CLEC16A: variants seen among roughly 807,000 people sequenced by gnomAD.
CLEC16A encodes C-type lectin domain containing 16A.
In CLEC16A, 51 loss-of-function variants were observed where a neutral mutation model predicts 109.5. The ratio of observed to expected loss-of-function variants is 0.47; its 90% confidence interval spans 0.37 to 0.59. The LOEUF (loss-of-function observed/expected upper bound fraction) is 0.59, where lower values mean the gene tolerates loss of function less well. CLEC16A is among the 20% of genes least tolerant of loss of function. The pLI is 0.00. For missense variants in CLEC16A, 1,339 were observed against 1,394.0 expected (o/e 0.96, Z 0.63); for synonymous variants, 673 against 564.2 (o/e 1.19, Z -2.73).
chr16:11,078,010 T>TGTGTGTG (rs2049486702), intron 19 of CLEC16A, among the ~76,000 whole-genome samples: 8 of 140,278 alleles, frequency 5.7e-5, no homozygotes, highest in African/African-American at 1.9e-4. Context: ...TGTGTGTGTG[T>TGTGTGTG]TTAGAGAAAT....
rs138448877 is a variant in CLEC16A at position 11,111,497 on chromosome 16, C to T, written c.2117-9118C>T. On this transcript the variant is annotated intron_variant, in intron 19 of 23. Transcript: ENST00000409790. Reference sequence around the variant, plus strand: ...TGGTCTAGACAATCACTGAGGCCCACTCAGGTTCAAGGAGAAGGGTAGACC... The same window carrying T: ...TGGTCTAGACAATCACTGAGGCCCATTCAGGTTCAAGGAGAAGGGTAGACC... Among the ~76,000 whole-genome samples, 7 of 152,296 alleles carry T rather than the reference C, an allele frequency of 4.6e-5. No homozygotes were observed. In the East Asian group the frequency reaches 1.4e-3, roughly 29 times the overall value.
At chr16:11,021,705 G>A (rs1352701539) in intron 12 of CLEC16A, among the ~76,000 whole-genome samples, 1 of 152,168 alleles carries the variant, frequency 6.6e-6, no homozygotes, top group African/African-American at 2.4e-5. Context: ...GGCTGAGGTG[G>A]GAGATTGCTT....
chr16:11,174,516 G>A lies in CLEC16A; in HGVS notation c.2807-3819G>A, dbSNP rs1043722350. On this transcript the variant is annotated intron_variant, in intron 23 of 23. Coordinates refer to ENST00000409790, the MANE Select transcript of CLEC16A (RefSeq NM_015226.3). The surrounding 1 kb of genome is among the most constrained non-coding windows in gnomAD (Gnocchi z 4.7). ...ACCTTCGCGACAGTCCTTCACCTTC[G>A]CGACAGTCCTTCTGAGCCAGACCTG... Among the ~76,000 whole-genome samples, 12 of 152,164 alleles carry A rather than the reference G, an allele frequency of 7.9e-5. No homozygotes were observed. Among genetic ancestry groups the A allele is most frequent in the Non-Finnish European group, 1.3e-4 (9 of 68,030 alleles).
chr16:11,035,827 CTGAG>C (rs1385243521), intron 13 of CLEC16A, among the ~76,000 whole-genome samples: 1 of 152,124 alleles, frequency 6.6e-6, no homozygotes, highest in African/African-American at 2.4e-5. Context: ...TTTGTTTTGA[CTGAG>C]TATTTTGGTA....
intron 19 of CLEC16A, among the ~76,000 whole-genome samples, chr16:11,080,375 G>T (rs530991064): frequency 1.3e-5 from 2 of 152,354 alleles, no homozygotes; most frequent in African/African-American, 2.4e-5. Flanking sequence ...GCTTCTGGGC[G>T]TCCGAGCCTT....
At chr16:10,948,177 G>C (rs2041527292) in intron 1 of CLEC16A, among the ~76,000 whole-genome samples, 1 of 152,224 alleles carries the variant, frequency 6.6e-6, no homozygotes, top group Admixed American at 6.5e-5. Flanking sequence ...ACAGGCATGA[G>C]CCACTGCACC....
chr16:11,108,651 G>A (rs1298450148), intron 19 of CLEC16A, among the ~76,000 whole-genome samples: 2 of 152,192 alleles, frequency 1.3e-5, no homozygotes, highest in African/African-American at 2.4e-5. Context: ...GCATCCCTCA[G>A]CCACATATGT....
intron 9 of CLEC16A, among the ~76,000 whole-genome samples, chr16:10,980,214 A>G (rs1229867180): frequency 6.6e-6 from 1 of 152,194 alleles, no homozygotes; most frequent in Non-Finnish European, 1.5e-5. Context: ...GGAGAGGTTC[A>G]GAGGCCACCT....
At position 10,948,182 on chromosome 16, in the gene CLEC16A, T is replaced by C. The variant is rs192492521; in HGVS notation, c.80+3385T>C. ...TGCTGGGATTACAGGCATGAGCCAC[T>C]GCACCCGGCCTAGACTTTACTTTTT... is the stretch of plus-strand genomic sequence containing the variant. On this transcript the variant is annotated intron_variant, in intron 1 of 23. Transcript: ENST00000409790. Among the ~76,000 whole-genome samples the C allele has an allele frequency of 7.0e-3, 1,063 of 152,328 alleles. 5 individuals are homozygous for C. Among genetic ancestry groups the C allele is most frequent in the Non-Finnish European group, 9.7e-3 (661 of 68,022 alleles).
At chr16:11,113,401 T>C (rs1221672014) in intron 19 of CLEC16A, among the ~76,000 whole-genome samples, 1 of 152,210 alleles carries the variant, frequency 6.6e-6, no homozygotes, top group Non-Finnish European at 1.5e-5. Context: ...AAAATCGGCC[T>C]GTAATTCCAG....
rs1596994334 is a variant in CLEC16A at position 11,002,937 on chromosome 16, C to T, written c.1072-137C>T. ...TGTGAATAGTCCCGCAGTAAGCATG[C>T]GAGTGCAGCTATCTTATGATATAAT... On this transcript the variant is annotated intron_variant, in intron 10 of 23. Coordinates refer to ENST00000409790, the MANE Select transcript of CLEC16A (RefSeq NM_015226.3). 2.9e-5 allele frequency: 19 copies of T among 663,788 alleles called. 1 individual carries two copies. Among genetic ancestry groups the T allele is most frequent in the South Asian group, 2.4e-4 (12 of 50,696 alleles). The allele number at this position is 663,788 out of a possible 1,614,324, so 41.1% of individuals were successfully genotyped here. A position where few individuals can be genotyped will look rare whatever the true frequency, so the allele number is the denominator to read the frequency against.
chr16:10,965,755 G>A (rs1223587332), intron 3 of CLEC16A, among the ~76,000 whole-genome samples: 1 of 152,180 alleles, frequency 6.6e-6, no homozygotes, highest in African/African-American at 2.4e-5. Flanking sequence ...ACAGTGAGGG[G>A]GTAGTAGAAA....
chr16:11,070,889 A>G (rs2049034198), intron 19 of CLEC16A: 1 of 152,094 alleles, frequency 6.6e-6, no homozygotes, highest in Admixed American at 6.6e-5. Flanking sequence ...ACACACGAAA[A>G]CCGTACCCCA....
At chr16:10,952,303 G>C (rs2145793594) in intron 1 of CLEC16A, among the ~76,000 whole-genome samples, 1 of 152,298 alleles carries the variant, frequency 6.6e-6, no homozygotes, top group Admixed American at 6.5e-5. Context: ...AGACCAGCCT[G>C]GCCAACATGG....
chr16:11,000,221 C>A (rs1168737739), intron 10 of CLEC16A, among the ~76,000 whole-genome samples: 1 of 152,098 alleles, frequency 6.6e-6, no homozygotes, highest in Non-Finnish European at 1.5e-5. Context: ...GAACCTGAGG[C>A]CTAGGACAGG....
At chr16:11,019,287 TC>T (rs2045951814) in intron 11 of CLEC16A, among the ~76,000 whole-genome samples, 1 of 152,206 alleles carries the variant, frequency 6.6e-6, no homozygotes, top group South Asian at 2.1e-4. Context: ...CAAGATGTTT[TC>T]TTTGGTGGTT....
intron 13 of CLEC16A, among the ~76,000 whole-genome samples, chr16:11,026,017 T>C (rs2046385465): frequency 6.6e-6 from 1 of 152,238 alleles, no homozygotes; most frequent in Admixed American, 6.5e-5. Context: ...TCATCATATT[T>C]CAGCACATGG....
At chr16:11,049,135 G>A (rs1416866155) in intron 17 of CLEC16A, among the ~76,000 whole-genome samples, 1 of 151,980 alleles carries the variant, frequency 6.6e-6, no homozygotes, top group African/African-American at 2.4e-5. Flanking sequence ...AGCCTCCCGA[G>A]TAGCTGGGAT....
chr16:11,151,898 T>C (rs1487964590), intron 22 of CLEC16A, among the ~76,000 whole-genome samples: 1 of 152,190 alleles, frequency 6.6e-6, no homozygotes, highest in African/African-American at 2.4e-5. Context: ...TTTAGGGTAG[T>C]TCTGAGAGCT....
Sources: gnomAD v4.1 joint callset for allele counts (sites outside exome capture counted in the v4.1 genomes callset) on GRCh38, gnomAD v4.1.1 for gene constraint, Gnocchi (gnomAD v3.1) non-coding constraint, MANE v1.5 for transcripts, NCBI Gene and HGNC (gene_info 2026-07-23, HGNC 2026-07-21) for gene names.